OXR1: variants seen among roughly 807,000 people sequenced by gnomAD.
The protein encoded by OXR1 is oxidation resistance protein 1.
OXR1 carries 41 observed loss-of-function variants against 104.6 expected under a neutral mutation model. That is an observed-to-expected ratio of 0.39 (90% confidence interval 0.31 to 0.51). OXR1 has a LOEUF of 0.51. Among genes scored for constraint, OXR1 ranks in the 20% least tolerant of loss-of-function variants. OXR1 has a pLI of 0.77. For missense variants in OXR1, 955 were observed against 1,031.9 expected, an observed-to-expected ratio of 0.93 and a Z score of 1.02; for synonymous variants, 348 against 348.4, an observed-to-expected ratio of 1.00 and a Z score of 0.01.
chr8:106,694,898 T>C lies in OXR1; in HGVS notation c.675+2021T>C, dbSNP rs1276452475. ...AATATATATATTTAATAGATAAATA[T>C]ATTTATCTATTTACATATTTATATA... On this transcript the variant is annotated intron_variant, in intron 7 of 16. Coordinates refer to ENST00000517566, the MANE Select transcript of OXR1 (RefSeq NM_001198533.2). 3.4e-4 allele frequency among the ~76,000 whole-genome samples: 27 copies of C among 79,372 alleles called. 1 individual carries two copies. In the Admixed American group the frequency reaches 3.4e-3, roughly 10 times the overall value. 52.1% of individuals were successfully genotyped at this position (79,372 alleles called of 152,430 possible). A position where few individuals can be genotyped will look rare whatever the true frequency, so the allele number is the denominator to read the frequency against.
chr8:106,604,817 G>A (rs1820244120), intron 3 of OXR1: 1 of 152,176 alleles, frequency 6.6e-6, no homozygotes, highest in Non-Finnish European at 1.5e-5. Flanking sequence ...TATGCCTGAA[G>A]GTTATACTAA....
rs559502781 is a variant in OXR1 at position 106,678,392 on chromosome 8, G to A, written c.221-818G>A. On this transcript the variant is annotated intron_variant, in intron 3 of 16. Coordinates refer to ENST00000517566, the MANE Select transcript of OXR1 (RefSeq NM_001198533.2). ...TTTTTAATTTTGGTAAATTTTGAGGGTAAAGTAAATGTAGCATTTTGCCAT... is the reference window on the plus strand; with the variant it reads ...TTTTTAATTTTGGTAAATTTTGAGGATAAAGTAAATGTAGCATTTTGCCAT... Among the ~76,000 whole-genome samples the A allele has an allele frequency of 4.0e-5, 6 of 151,898 alleles. No homozygotes were observed. In the South Asian group the frequency reaches 1.2e-3, roughly 32 times the overall value.
In OXR1 at chr8:106,636,142, G is replaced by A. The variant is rs567615657; in HGVS notation, c.221-43068G>A. 3.3e-5 allele frequency among the ~76,000 whole-genome samples: 5 copies of A among 152,260 alleles called. 1 individual carries two copies. In the South Asian group the frequency reaches 1.0e-3, roughly 32 times the overall value. Reference sequence around the variant, plus strand: ...TGAGCTACCTACTTGTCCACATCAAGCATTTAATAGAGTCCTGTACTAATC... The same window carrying A: ...TGAGCTACCTACTTGTCCACATCAAACATTTAATAGAGTCCTGTACTAATC... On this transcript the variant is annotated intron_variant, in intron 3 of 16. Coordinates refer to ENST00000517566, the MANE Select transcript of OXR1 (RefSeq NM_001198533.2).
chr8:106,628,892 C>T (rs1468001334), intron 3 of OXR1, among the ~76,000 whole-genome samples: 1 of 152,108 alleles, frequency 6.6e-6, no homozygotes, highest in Non-Finnish European at 1.5e-5. Context: ...AAAACAGACT[C>T]CAAGGATAAT....
intron 3 of OXR1, among the ~76,000 whole-genome samples, chr8:106,567,110 A>T (rs1212871321): frequency 3.3e-5 from 5 of 152,192 alleles, no homozygotes; most frequent in Admixed American, 3.3e-4. Flanking sequence ...AATTTAAAGT[A>T]TAATAAAAAA....
At chr8:106,409,611 A>C (rs917481591) in intron 2 of OXR1, among the ~76,000 whole-genome samples, 1 of 152,222 alleles carries the variant, frequency 6.6e-6, no homozygotes, top group African/African-American at 2.4e-5. Context: ...AGCTCAAAGG[A>C]ATGACATCCA....
At chr8:106,376,978 A>C (rs980807769) in intron 2 of OXR1, among the ~76,000 whole-genome samples, 5 of 152,142 alleles carry the variant, frequency 3.3e-5, no homozygotes, top group African/African-American at 1.2e-4. Context: ...TTTTACCCAG[A>C]ACTGTATATG....
intron 15 of OXR1, among the ~76,000 whole-genome samples, chr8:106,743,040 T>G (rs906473077): frequency 5.9e-5 from 9 of 152,028 alleles, no homozygotes; most frequent in African/African-American, 2.2e-4. Flanking sequence ...TTGCAATCTA[T>G]CCATCTGACA....
At chr8:106,419,604 G>A (rs1818822545) in intron 2 of OXR1, among the ~76,000 whole-genome samples, 2 of 152,120 alleles carry the variant, frequency 1.3e-5, no homozygotes, top group African/African-American at 4.8e-5. Context: ...TCCCAACAGG[G>A]CAGTTAGAGC....
At chr8:106,585,212 G>A (rs1487669968) in intron 3 of OXR1, among the ~76,000 whole-genome samples, 3 of 152,040 alleles carry the variant, frequency 2.0e-5, no homozygotes, top group Non-Finnish European at 1.5e-5. Context: ...CCATAGGTTT[G>A]TGTTGTGGAT....
At chr8:106,288,753 G>A (rs1292502406) in intron 1 of OXR1, among the ~76,000 whole-genome samples, 4 of 147,204 alleles carry the variant, frequency 2.7e-5, no homozygotes, top group Non-Finnish European at 6.0e-5. Flanking sequence ...ATATGTATTT[G>A]TGTGTATATA....
intron 11 of OXR1, among the ~76,000 whole-genome samples, chr8:106,724,028 C>G (rs1833099513): frequency 6.6e-6 from 1 of 151,928 alleles, no homozygotes; most frequent in Admixed American, 6.6e-5. Context: ...TCAAGTAATC[C>G]TCCTGCCTCA....
At chr8:106,549,822 G>C (rs1264309031) in intron 3 of OXR1, among the ~76,000 whole-genome samples, 1 of 152,106 alleles carries the variant, frequency 6.6e-6, no homozygotes, top group Non-Finnish European at 1.5e-5. Flanking sequence ...CTTCTCAGTG[G>C]TGTTACCTTC....
At chr8:106,366,310 A>G (rs548046708) in intron 2 of OXR1, among the ~76,000 whole-genome samples, 16 of 152,202 alleles carry the variant, frequency 1.1e-4, no homozygotes, top group Admixed American at 4.6e-4. Flanking sequence ...TCACACCAAT[A>G]TTTCCTTAGA....
chr8:106,703,966 T>C (rs1334725383), intron 8 of OXR1, among the ~76,000 whole-genome samples: 2 of 152,188 alleles, frequency 1.3e-5, no homozygotes, highest in Admixed American at 6.5e-5. Context: ...AAATTAACCC[T>C]TGTGGGGCAG....
intron 16 of OXR1, among the ~76,000 whole-genome samples, chr8:106,748,665 T>C (rs1465105217): frequency 7.6e-6 from 1 of 131,544 alleles, no homozygotes; most frequent in Non-Finnish European, 1.5e-5. Context: ...GCCTCCCAAG[T>C]TCAAATGATT....
At chr8:106,433,128 G>A (rs1365276901) in intron 2 of OXR1, among the ~76,000 whole-genome samples, 1 of 152,166 alleles carries the variant, frequency 6.6e-6, no homozygotes, top group African/African-American at 2.4e-5. Flanking sequence ...CCCCATTTGG[G>A]GATCAGAGTT....
chr8:106,514,896 T>G (rs1454631836), intron 2 of OXR1, among the ~76,000 whole-genome samples: 45 of 152,168 alleles, frequency 3.0e-4, no homozygotes, highest in Admixed American at 2.9e-3. Flanking sequence ...TTGTATAATT[T>G]CACACCTTTC....
At chr8:106,665,949 A>G (rs938952484) in intron 3 of OXR1, among the ~76,000 whole-genome samples, 2 of 152,000 alleles carry the variant, frequency 1.3e-5, no homozygotes, top group Non-Finnish European at 2.9e-5. Context: ...TAGTGAGAAT[A>G]TAACAAAAAA....
Sources: allele counts gnomAD v4.1 joint callset (sites outside exome capture counted in the v4.1 genomes callset), GRCh38; gene constraint gnomAD v4.1.1; transcripts MANE v1.5; gene names NCBI Gene and HGNC (gene_info 2026-07-23, HGNC 2026-07-21).